The following EIF3H variants were observed in gnomAD, a reference collection of about 807,000 sequenced individuals.
The protein encoded by EIF3H is eIF-3-gamma.
In EIF3H, 26 loss-of-function variants were observed where a neutral mutation model predicts 44.2. The ratio of observed to expected loss-of-function variants is 0.59; its 90% CI spans 0.43 to 0.82. The LOEUF is 0.82. Ranked by LOEUF, EIF3H falls within the 40% of genes least tolerant of loss-of-function variation. The pLI is 0.00. For synonymous variants in EIF3H, 166 were observed against 151.9 expected (o/e 1.09, Z -0.68); for missense variants, 359 against 432.8 (o/e 0.83, Z 1.51).
At chr8:116,753,771 T>TA (rs1778131779) in intron 1 of EIF3H, among the ~76,000 whole-genome samples, 1 of 152,210 alleles carries the variant, frequency 6.6e-6, no homozygotes, top group Non-Finnish European at 1.5e-5. Context: ...TGCCCTGTGT[T>TA]AGATAGTATT....
chr8:116,651,206 G>T (rs1327735537), intron 5 of EIF3H, among the ~76,000 whole-genome samples: 1 of 152,170 alleles, frequency 6.6e-6, no homozygotes, highest in Non-Finnish European at 1.5e-5. Context: ...ATATTACAGA[G>T]AGAAATTGTG....
At chr8:116,745,760 G>A (rs901467908) in intron 1 of EIF3H, among the ~76,000 whole-genome samples, 1 of 151,924 alleles carries the variant, frequency 6.6e-6, no homozygotes, top group Non-Finnish European at 1.5e-5. Context: ...GCAACACCCC[G>A]TCTCTACTAA....
At chr8:116,745,063 T>C (rs767208471) in intron 1 of EIF3H, among the ~76,000 whole-genome samples, 11 of 152,208 alleles carry the variant, frequency 7.2e-5, no homozygotes, top group Non-Finnish European at 1.3e-4. Context: ...CAGAAACCAG[T>C]TGAAGCAAAA....
At chr8:116,707,362 G>A (rs1814488640) in intron 2 of EIF3H, among the ~76,000 whole-genome samples, 1 of 152,234 alleles carries the variant, frequency 6.6e-6, no homozygotes, top group South Asian at 2.1e-4. Flanking sequence ...AGTTGATATT[G>A]TTATAAGTAC....
chr8:116,752,693 AAAGAAAGAAAGAAAG>A (rs1210017984), intron 1 of EIF3H, among the ~76,000 whole-genome samples: 1 of 127,772 alleles, frequency 7.8e-6, no homozygotes, highest in Non-Finnish European at 1.7e-5. Flanking sequence ...AGAAAGAAAG[AAAGAAAGAAAGAAAG>A]AAAGAAAGAA....
intron 2 of EIF3H, among the ~76,000 whole-genome samples, chr8:116,660,517 G>A (rs569444985): frequency 3.5e-4 from 54 of 152,148 alleles, no homozygotes; most frequent in African/African-American, 9.2e-4. Flanking sequence ...CAAGAATTGC[G>A]TGTTTTTTGA....
intron 1 of EIF3H, among the ~76,000 whole-genome samples, chr8:116,752,778 AGGG>A (rs1563663186): frequency 0.043 from 2,335 of 54,106 alleles, 173 homozygotes; most frequent in African/African-American, 0.11. Context: ...GGAGGGAGGG[AGGG>A]AGGGAGGGAG....
intron 2 of EIF3H, among the ~76,000 whole-genome samples, chr8:116,704,077 A>G (rs1011672407): frequency 6.6e-6 from 1 of 152,224 alleles, no homozygotes; most frequent in Non-Finnish European, 1.5e-5. Flanking sequence ...TCCACATAAC[A>G]TCATTTCTGC....
chr8:116,697,763 T>G (rs1019318701), intron 2 of EIF3H, among the ~76,000 whole-genome samples: 83 of 152,216 alleles, frequency 5.5e-4, no homozygotes, highest in African/African-American at 1.9e-3. Context: ...CCTGATTACT[T>G]TGAATTATGC....
intron 1 of EIF3H, among the ~76,000 whole-genome samples, chr8:116,753,350 C>T (rs1010354731): frequency 6.6e-6 from 1 of 151,900 alleles, no homozygotes; most frequent in Non-Finnish European, 1.5e-5. Flanking sequence ...TAAAATAATC[C>T]TTTACCTGCT....
intron 2 of EIF3H, among the ~76,000 whole-genome samples, chr8:116,691,693 G>A (rs1030464946): frequency 2.6e-5 from 4 of 152,024 alleles, no homozygotes; most frequent in African/African-American, 9.7e-5. Context: ...TGGACAACAT[G>A]GCGAAAGCCC....
chr8:116,751,641 A>G (rs1470173965), intron 1 of EIF3H, among the ~76,000 whole-genome samples: 2 of 152,260 alleles, frequency 1.3e-5, no homozygotes, highest in African/African-American at 4.8e-5. Context: ...CAAAAGAGGC[A>G]TTCAAGAGCC....
intron 2 of EIF3H, among the ~76,000 whole-genome samples, chr8:116,665,223 T>C (rs1022732553): frequency 6.6e-6 from 1 of 152,232 alleles, no homozygotes; most frequent in Non-Finnish European, 1.5e-5. Context: ...AGAAACCACA[T>C]CTTGTCTATA....
At chr8:116,645,140 C>G in intron 7 of EIF3H, 37 bp from the exon 8 acceptor site, 1 of 1,498,998 alleles carries the variant, frequency 6.7e-7, no homozygotes. Context: ...CATAATGTTC[C>G]ACAAATTGTA....
chr8:116,732,178 C>T (rs945784022), intron 1 of EIF3H, among the ~76,000 whole-genome samples: 27 of 151,966 alleles, frequency 1.8e-4, no homozygotes, highest in Non-Finnish European at 2.9e-4. Context: ...GACTATACGC[C>T]ATCTCTAATG....
At chr8:116,752,138 T>A (rs1815354492) in intron 1 of EIF3H, among the ~76,000 whole-genome samples, 1 of 152,168 alleles carries the variant, frequency 6.6e-6, no homozygotes, top group Non-Finnish European at 1.5e-5. Flanking sequence ...GATTCAGGTA[T>A]GAAAGCAAAA....
intron 1 of EIF3H, 76 bp downstream of exon 1, chr8:116,755,590 T>G: frequency 6.3e-7 from 1 of 1,594,682 alleles, no homozygotes; most frequent in Non-Finnish European, 8.6e-7. Context: ...GGGAGAATGC[T>G]AGAAAGTACG....
chr8:116,712,366 G>C (rs1814587798), intron 2 of EIF3H, among the ~76,000 whole-genome samples: 1 of 152,154 alleles, frequency 6.6e-6, no homozygotes, highest in Non-Finnish European at 1.5e-5. Context: ...AGGAAAGAAG[G>C]GCTGTCTATC....
At chr8:116,691,103 T>C (rs1200926992) in intron 2 of EIF3H, among the ~76,000 whole-genome samples, 1 of 152,248 alleles carries the variant, frequency 6.6e-6, no homozygotes, top group East Asian at 1.9e-4. Context: ...TTTACTACGT[T>C]ACTAAGTTTG....
Sources: gnomAD v4.1 joint callset for allele counts (sites outside exome capture counted in the v4.1 genomes callset) on GRCh38, gnomAD v4.1.1 for gene constraint, MANE v1.5 for transcripts, NCBI Gene and HGNC (gene_info 2026-07-23, HGNC 2026-07-21) for gene names.